Variants in CNTLN observed in about 807,000 individuals in gnomAD.
CNTLN encodes the protein centlein.
CNTLN carries 212 observed loss-of-function variants against 180.0 expected under a neutral mutation model. The ratio of observed to expected loss-of-function variants is 1.18; its 90% CI spans 1.05 to 1.32. CNTLN has a LOEUF of 1.32. Ranked by LOEUF, CNTLN falls within the 40% of genes most tolerant of loss-of-function variation. The pLI is 0.00. For synonymous variants in CNTLN, 722 were observed against 563.1 expected (o/e 1.28, Z -3.99); for missense variants, 2,095 against 1,610.9 (o/e 1.30, Z -5.14).
At chr9:17,285,318 T>C (rs1209282761) in intron 6 of CNTLN, among the ~76,000 whole-genome samples, 2 of 150,552 alleles carry the variant, frequency 1.3e-5, no homozygotes, top group South Asian at 2.1e-4. Flanking sequence ...TCCATGTCCC[T>C]ACAAAGGACA....
At chr9:17,256,424 G>C (rs1287647899) in intron 5 of CNTLN, among the ~76,000 whole-genome samples, 1 of 151,790 alleles carries the variant, frequency 6.6e-6, no homozygotes, top group Non-Finnish European at 1.5e-5. Context: ...TCCAACATCT[G>C]TTATTTTTGA....
intron 2 of CNTLN, among the ~76,000 whole-genome samples, chr9:17,200,952 G>C (rs1822480907): frequency 6.6e-6 from 1 of 152,196 alleles, no homozygotes; most frequent in African/African-American, 2.4e-5. Flanking sequence ...CATTCAGTAA[G>C]ATATTGGCTA....
intron 10 of CNTLN, among the ~76,000 whole-genome samples, chr9:17,336,684 G>A (rs1035074573): frequency 2.0e-4 from 30 of 152,302 alleles, no homozygotes; most frequent in African/African-American, 6.7e-4. Context: ...TAAAATTAAA[G>A]CAGAAGGCTC....
chr9:17,439,908 C>T (rs1490864346), intron 18 of CNTLN, among the ~76,000 whole-genome samples: 2 of 152,170 alleles, frequency 1.3e-5, no homozygotes, highest in Non-Finnish European at 2.9e-5. Flanking sequence ...TTGGACTTCC[C>T]ACCATCCAGA....
chr9:17,148,981 C>T (rs979366757), intron 2 of CNTLN, among the ~76,000 whole-genome samples: 19 of 152,098 alleles, frequency 1.2e-4, no homozygotes, highest in African/African-American at 4.1e-4. Context: ...CCCCCACCTC[C>T]GACAGGACCC....
chr9:17,311,889 A>G (rs1347387609), intron 8 of CNTLN, among the ~76,000 whole-genome samples: 1 of 152,136 alleles, frequency 6.6e-6, no homozygotes, highest in East Asian at 1.9e-4. Flanking sequence ...GAGCAAAATC[A>G]AGTTTCATAA....
rs533910435 is a variant in CNTLN at position 17,289,513 on chromosome 9, C to G, written c.984-8677C>G. Among the ~76,000 whole-genome samples, 3 of 137,774 alleles carry G rather than the reference C, an allele frequency of 2.2e-5. No individual in the cohort carries two copies. In the East Asian group the frequency reaches 6.3e-4, roughly 29 times the overall value. The allele number at this position is 137,774 out of a possible 152,430, so 90.4% of individuals were successfully genotyped here. On this transcript the variant is annotated intron_variant, in intron 6 of 25. Coordinates refer to ENST00000380647, the MANE Select transcript of CNTLN (RefSeq NM_017738.4). ...TGGAGTTGCTCTTCTGGAGGAGTGT[C>G]TTTGTGGCGTTCTCTGTATTTCCTG...
chr9:17,234,587 G>T (rs1825019360), intron 3 of CNTLN, among the ~76,000 whole-genome samples: 1 of 151,996 alleles, frequency 6.6e-6, no homozygotes, highest in African/African-American at 2.4e-5. Context: ...TGATAAGGAA[G>T]AAATGTGAGA....
intron 1 of CNTLN, among the ~76,000 whole-genome samples, chr9:17,135,928 G>A (rs1040064661): frequency 6.6e-6 from 1 of 152,190 alleles, no homozygotes; most frequent in Non-Finnish European, 1.5e-5. Flanking sequence ...GACGAGTAAC[G>A]TTTAGAAAGT....
rs184051551 is a variant in CNTLN, at chr9:17,220,595, A to C, written c.450-5608A>C. On this transcript the variant is annotated intron_variant, in intron 2 of 25. Coordinates refer to ENST00000380647, the MANE Select transcript of CNTLN (RefSeq NM_017738.4). ...GATCTTCTACCTCCTCCCACCCTGC[A>C]CTCTCTGATAGGACCCAGTGTGTGT... Among the ~76,000 whole-genome samples the C allele has an allele frequency of 7.9e-5, 12 of 151,924 alleles. No individual in the cohort carries two copies. The East Asian group carries it at 2.3e-3, about 29-fold the overall frequency.
At chr9:17,266,288 A>G (rs200119042) in intron 5 of CNTLN, among the ~76,000 whole-genome samples, 3 of 152,034 alleles carry the variant, frequency 2.0e-5, no homozygotes, top group Non-Finnish European at 2.9e-5. Context: ...CCTTCATTTC[A>G]TTATGTACCC....
chr9:17,464,169 A>G (rs1295298944), intron 20 of CNTLN, among the ~76,000 whole-genome samples: 1 of 151,062 alleles, frequency 6.6e-6, no homozygotes, highest in Non-Finnish European at 1.5e-5. Context: ...TATCACTTTG[A>G]TTTTTCACAG....
chr9:17,523,416 T>C, the CNTLN span, among the ~76,000 whole-genome samples: 1 of 152,150 alleles, frequency 6.6e-6, no homozygotes, highest in Admixed American at 6.5e-5. Flanking sequence ...TTTGTATTTT[T>C]AGTAGAGACG....
At chr9:17,198,386 C>CTTTTTTTTTTTT (rs61209273) in intron 2 of CNTLN, among the ~76,000 whole-genome samples, 22 of 109,638 alleles carry the variant, frequency 2.0e-4, no homozygotes, top group South Asian at 3.0e-4. Flanking sequence ...TCTTTTCTTT[C>CTTTTTTTTTTTT]TTTTTTTTTT....
intron 2 of CNTLN, among the ~76,000 whole-genome samples, chr9:17,207,104 C>G (rs966767442): frequency 9.8e-5 from 15 of 152,300 alleles, no homozygotes; most frequent in East Asian, 1.9e-4. Flanking sequence ...CTGTTGCTTC[C>G]CAGTCTGATG....
At chr9:17,347,862 C>T (rs527903960) in intron 12 of CNTLN, among the ~76,000 whole-genome samples, 20 of 152,036 alleles carry the variant, frequency 1.3e-4, no homozygotes, top group East Asian at 3.9e-4. Context: ...GACAGAGTCT[C>T]GCTCTGTCGC....
Position 17,330,810 on chromosome 9 carries a change from T to TTTTGTC in CNTLN, c.1518+2_1518+3insTTTGTC. ...ACAAGTGCTGAAGGAAAACATAAGG[T>TTTTGTC]AGGGACATTTTGTCATTTTGTGAAT... On this transcript the variant is annotated splice_region_variant and intron_variant, in intron 9 of 25. Transcript: ENST00000380647. 1 of 1,595,206 alleles carries TTTTGTC rather than the reference T, an allele frequency of 6.3e-7. No individual in the cohort carries two copies. The highest frequency in any genetic ancestry group is 2.3e-5 in the East Asian group (1 of 43,894).
rs1320904822 is a variant in CNTLN, at chr9:17,394,570, A to C, written c.2116A>C (p.Lys706Gln). 1 of 1,588,586 alleles carries C rather than the reference A, an allele frequency of 6.3e-7. No individual in the cohort carries two copies. The highest frequency in any genetic ancestry group is 1.4e-5 in the African/African-American group (1 of 73,098). Residue 706 changes from lysine (K) to glutamine (Q), a missense_variant, in exon 15 of 26, where the codon AAA becomes CAA. Physicochemically the swap from Lys to Gln is moderately conservative, Grantham distance 53. Coordinates refer to ENST00000380647, the MANE Select transcript of CNTLN (RefSeq NM_017738.4). ...ELENRLKSFE[K>Q]RSRKLKEGNK... is the part of the protein sequence containing the mutation. The stretch of plus-strand genomic sequence containing the variant: ...GGAAAATCGGCTGAAATCTTTTGAG[A>C]AAAGGTCGAGAAAATTAAAAGAAGG...
At position 17,495,369 on chromosome 9, in the gene CNTLN, G is replaced by T. The variant is rs982610124; in HGVS notation, c.4120-7182G>T. ...AGACCTTCCAGTGGGACAAGATGTG[G>T]AGGTGGAAGACAGGGATAGTGATGA... On this transcript the variant is annotated intron_variant, in intron 25 of 25. Transcript: ENST00000380647. Among the ~76,000 whole-genome samples the T allele has an allele frequency of 1.8e-4, 27 of 152,274 alleles. No homozygotes were observed. In the Middle Eastern group the frequency reaches 0.01, roughly 58 times the overall value.
Sources: gnomAD v4.1 joint callset for allele counts (sites outside exome capture counted in the v4.1 genomes callset) on GRCh38, gnomAD v4.1.1 for gene constraint, MANE v1.5 for transcripts, NCBI Gene and HGNC (gene_info 2026-07-23, HGNC 2026-07-21) for gene names.